The following XKR4 variants were observed in gnomAD, a reference collection of about 807,000 sequenced individuals.
XKR4 encodes XK related 4.
Under a neutral mutation model 53.9 loss-of-function variants are expected in XKR4, and 12 were observed. That is an observed-to-expected ratio of 0.22 (90% confidence interval 0.14 to 0.36). XKR4 has a LOEUF of 0.36. XKR4 is among the 10% of genes least tolerant of loss of function. The pLI is 1.00. For synonymous variants in XKR4, 354 were observed against 362.4 expected (o/e 0.98, Z 0.26); for missense variants, 799 against 859.5 (o/e 0.93, Z 0.88).
At chr8:55,399,424 T>C (rs1208772963) in intron 2 of XKR4, among the ~76,000 whole-genome samples, 1 of 152,248 alleles carries the variant, frequency 6.6e-6, no homozygotes, top group Non-Finnish European at 1.5e-5. Flanking sequence ...TTCCTGATGA[T>C]AGCTCAGCGG....
At chr8:55,144,769 G>C (rs1816748813) in intron 1 of XKR4, among the ~76,000 whole-genome samples, 1 of 136,412 alleles carries the variant, frequency 7.3e-6, no homozygotes, top group Admixed American at 7.9e-5. Context: ...CCTGACATGG[G>C]AAGCTAGGCC....
At chr8:55,113,097 G>A (rs1384999878) in intron 1 of XKR4, among the ~76,000 whole-genome samples, 1 of 152,056 alleles carries the variant, frequency 6.6e-6, no homozygotes, top group Admixed American at 6.5e-5. Flanking sequence ...TATTAGTTGA[G>A]TTCTTACTTC....
chr8:55,372,648 A>G (rs1804085244), intron 2 of XKR4, among the ~76,000 whole-genome samples: 1 of 151,992 alleles, frequency 6.6e-6, no homozygotes, highest in African/African-American at 2.4e-5. Context: ...AAGCTCCCAC[A>G]ACCTCTTAAA....
chr8:55,498,794 G>A (rs1806395130), intron 2 of XKR4, among the ~76,000 whole-genome samples: 1 of 151,958 alleles, frequency 6.6e-6, no homozygotes, highest in African/African-American at 2.4e-5. Flanking sequence ...GAGAGAGACA[G>A]AGACAGAGAG....
intron 1 of XKR4, chr8:55,161,716 G>T (rs1030806337): frequency 2.1e-5 from 9 of 435,900 alleles, no homozygotes; most frequent in Non-Finnish European, 4.2e-5. Context: ...ATTCCTCCAG[G>T]CAGGTGCCAC....
rs902753600 is a variant in XKR4, at chr8:55,533,062, C to G, written c.*8835C>G. On this transcript the variant is annotated 3_prime_UTR_variant, in exon 3 of 3. Transcript: ENST00000327381. ...TTTTAATTATTTCACATTAATTCAT[C>G]AAGAAGTTCCAAAACACTACTAAAT... The G allele has an allele frequency of 2.0e-5, 3 of 152,166 alleles. No homozygotes were observed. Among genetic ancestry groups the G allele is most frequent in the Non-Finnish European group, 4.4e-5 (3 of 68,020 alleles). 9.4% of individuals were successfully genotyped at this position (152,166 alleles called of 1,614,324 possible).
chr8:55,366,470 A>C (rs1370301665), intron 2 of XKR4, among the ~76,000 whole-genome samples: 6 of 152,178 alleles, frequency 3.9e-5, no homozygotes, highest in Admixed American at 2.6e-4. Flanking sequence ...CTGGCAACTG[A>C]CATGTCCTTC....
At chr8:55,505,481 T>C (rs1255220710) in intron 2 of XKR4, among the ~76,000 whole-genome samples, 1 of 152,054 alleles carries the variant, frequency 6.6e-6, no homozygotes, top group Non-Finnish European at 1.5e-5. Flanking sequence ...AGCCCAGGAG[T>C]TCCAGGTTGC....
chr8:55,440,852 A>T (rs564106722), intron 2 of XKR4, among the ~76,000 whole-genome samples: 12 of 152,246 alleles, frequency 7.9e-5, no homozygotes, highest in Admixed American at 3.9e-4. Context: ...AAAGATTAAA[A>T]GGTAAAAATA....
intron 2 of XKR4, among the ~76,000 whole-genome samples, chr8:55,510,162 C>T (rs1446194314): frequency 2.0e-5 from 3 of 151,988 alleles, no homozygotes; most frequent in African/African-American, 7.3e-5. Context: ...GCAAGAAGGC[C>T]AGGCAGAAGG....
intron 1 of XKR4, among the ~76,000 whole-genome samples, chr8:55,146,592 T>C (rs537537781): frequency 6.6e-6 from 1 of 152,358 alleles, no homozygotes; most frequent in Admixed American, 6.5e-5. Context: ...CTCACTTAAA[T>C]GTAAATAGTC....
At chr8:55,164,210 G>A (rs1374392620) in intron 1 of XKR4, 1 of 456,568 alleles carries the variant, frequency 2.2e-6, no homozygotes, top group Non-Finnish European at 4.4e-6. Flanking sequence ...CCTCCCCACA[G>A]CACCTTTCCT....
chr8:55,413,793 C>T (rs1324737946), intron 2 of XKR4, among the ~76,000 whole-genome samples: 1 of 152,170 alleles, frequency 6.6e-6, no homozygotes. Flanking sequence ...CCGCTTTCCC[C>T]TCCTTCCTGT....
chr8:55,195,999 A>T (rs1354717559), intron 1 of XKR4, among the ~76,000 whole-genome samples: 1 of 152,266 alleles, frequency 6.6e-6, no homozygotes, highest in South Asian at 2.1e-4. Flanking sequence ...GGGACACAGC[A>T]TGCTCCTGTC....
chr8:55,467,680 A>T (rs777589907), intron 2 of XKR4, among the ~76,000 whole-genome samples: 2 of 152,182 alleles, frequency 1.3e-5, no homozygotes, highest in Non-Finnish European at 2.9e-5. Flanking sequence ...AAAGACAGGC[A>T]AATGTTGTTG....
chr8:55,290,376 C>T (rs955992534), intron 1 of XKR4, among the ~76,000 whole-genome samples: 204 of 152,062 alleles, frequency 1.3e-3, no homozygotes, highest in African/African-American at 4.8e-3. Context: ...GTGATTTGCC[C>T]AGCTTGGCCT....
chr8:55,161,635 T>A, intron 1 of XKR4: 1 of 456,264 alleles, frequency 2.2e-6, no homozygotes, highest in Non-Finnish European at 4.4e-6. Context: ...AATGTTGCAG[T>A]GGGGATTGGG....
intron 1 of XKR4, among the ~76,000 whole-genome samples, chr8:55,111,332 G>A (rs1816227117): frequency 6.6e-6 from 1 of 152,144 alleles, no homozygotes; most frequent in Non-Finnish European, 1.5e-5. Flanking sequence ...CAGGTCTAAA[G>A]TTCTGATTCT....
At position 55,524,536 on chromosome 8, in the gene XKR4, TG is replaced by T. The variant is rs1296179219; in HGVS notation, c.*310del. 2 of 342,224 alleles carry T rather than the reference TG, an allele frequency of 5.8e-6. No individual in the cohort carries two copies. Among genetic ancestry groups the T allele is most frequent in the East Asian group, 1.1e-4 (2 of 18,934 alleles). 21.2% of individuals were successfully genotyped at this position (342,224 alleles called of 1,614,324 possible). ...GGGTACTACTATTATGGAAAAATTT[TG>T]CCTCCAATCATTAGGGTGTCTTGAT... On this transcript the variant is annotated 3_prime_UTR_variant, in exon 3 of 3. Transcript: ENST00000327381.
Sources: gnomAD v4.1 joint callset for allele counts (sites outside exome capture counted in the v4.1 genomes callset) on GRCh38, gnomAD v4.1.1 for gene constraint, MANE v1.5 for transcripts, NCBI Gene and HGNC (gene_info 2026-07-23, HGNC 2026-07-21) for gene names.